The following ADAMTS5 variants were observed in gnomAD, a reference collection of about 807,000 sequenced individuals.
ADAMTS5 encodes ADAM metallopeptidase with thrombospondin type 1 motif 5.
In ADAMTS5, 54 loss-of-function variants were observed where a neutral mutation model predicts 81.4. That is an observed-to-expected ratio of 0.66 (90% CI 0.53 to 0.83). The LOEUF (loss-of-function observed/expected upper bound fraction) is 0.83. ADAMTS5 is among the 40% of genes least tolerant of loss of function. ADAMTS5 has a pLI of 0.00. For missense variants in ADAMTS5, 1,194 were observed against 1,229.9 expected, an observed-to-expected ratio of 0.97 and a Z score of 0.44; for synonymous variants, 532 against 508.8, an observed-to-expected ratio of 1.05 and a Z score of -0.61.
rs190327303 is a variant in ADAMTS5 at position 26,953,528 on chromosome 21, A to T, written c.1237+1211T>A. 3.3e-3 allele frequency among the ~76,000 whole-genome samples: 509 copies of T among 152,350 alleles called. 4 individuals are homozygous for T. Among genetic ancestry groups the T allele is most frequent in the South Asian group, 5.6e-3 (27 of 4,830 alleles). ...TTATTTAACTCCCCAAAGAAAACAT[A>T]GCAGTTAGAAATGGATGCTTTGTGA... On this transcript the variant is annotated intron_variant, in intron 2 of 7. Transcript: ENST00000284987.
rs546535037 is a variant in ADAMTS5, at chr21:26,939,170, G to A, written c.1405+4210C>T. ...GGCCCAGTGATATAAGAATGAACAA[G>A]AGCACTTCAAAAAACCAGACAATTG... On this transcript the variant is annotated intron_variant, in intron 3 of 7. Transcript: ENST00000284987. 1.7e-4 allele frequency among the ~76,000 whole-genome samples: 26 copies of A among 152,194 alleles called. No homozygotes were observed. The South Asian group carries it at 4.2e-3, about 24-fold the overall frequency.
chr21:26,960,067 G>T (rs1337458175), intron 1 of ADAMTS5, among the ~76,000 whole-genome samples: 1 of 152,106 alleles, frequency 6.6e-6, no homozygotes, highest in Non-Finnish European at 1.5e-5. Context: ...CATATCTCAT[G>T]AATATTTTGG....
At chr21:26,955,895 T>G (rs1466893085) in intron 1 of ADAMTS5, among the ~76,000 whole-genome samples, 1 of 152,186 alleles carries the variant, frequency 6.6e-6, no homozygotes, top group African/African-American at 2.4e-5. Context: ...GTTTTAAAAA[T>G]ATACTAATTA....
chr21:26,926,415 G>A (rs904133230), intron 7 of ADAMTS5, among the ~76,000 whole-genome samples: 1 of 152,226 alleles, frequency 6.6e-6, no homozygotes, highest in Admixed American at 6.5e-5. Flanking sequence ...GCTCACACCT[G>A]TAATCCCAGC....
At chr21:26,934,906 G>C (rs1568842226) in intron 3 of ADAMTS5, among the ~76,000 whole-genome samples, 157 bp from the exon 4 acceptor site, 1 of 152,164 alleles carries the variant, frequency 6.6e-6, no homozygotes, top group Non-Finnish European at 1.5e-5. Flanking sequence ...TGGGGACAAG[G>C]CTGGGAGCCC....
intron 4 of ADAMTS5, among the ~76,000 whole-genome samples, chr21:26,933,980 G>A (rs924108658): frequency 3.3e-5 from 5 of 152,090 alleles, no homozygotes; most frequent in Admixed American, 1.3e-4. Context: ...GTGTTTCCCC[G>A]GAGCAGTCGT....
rs1453472898 is a variant in ADAMTS5, at chr21:26,924,445, T to C, written c.2401A>G (p.Ile801Val). 7 of 1,614,232 alleles carry C rather than the reference T, an allele frequency of 4.3e-6. No individual in the cohort carries two copies. Among genetic ancestry groups the C allele is most frequent in the Non-Finnish European group, 5.9e-6 (7 of 1,180,028 alleles). The change falls in exon 8 of 8, where the codon ATC becomes GTC. Residue 801 changes from isoleucine (I) to valine (V), a missense_variant. Physicochemically the swap from Ile to Val is conservative, Grantham distance 29 (BLOSUM62 3). Coordinates refer to ENST00000284987, the MANE Select transcript of ADAMTS5 (RefSeq NM_007038.5). The stretch of plus-strand genomic sequence containing the variant: ...CTATAGTTCATGACTGTTCCATTGA[T>C]GTCAATGATAGTCTCTGAAGTGGAG... ...MISTSETIID[I>V]NGTVMNYSGW... is the part of the protein sequence containing the mutation.
chr21:26,937,575 C>T (rs1002575177), intron 3 of ADAMTS5, among the ~76,000 whole-genome samples: 1 of 152,062 alleles, frequency 6.6e-6, no homozygotes, highest in African/African-American at 2.4e-5. Flanking sequence ...TGCCAAGAAA[C>T]AGTAACAAAA....
chr21:26,931,040 C>A (rs940037443), intron 6 of ADAMTS5, among the ~76,000 whole-genome samples: 3 of 151,906 alleles, frequency 2.0e-5, no homozygotes, highest in Admixed American at 2.0e-4. Context: ...ATCTGAAGGC[C>A]AAGTTTCAGA....
rs560679241 is a variant in ADAMTS5, at chr21:26,918,535, G to A, written c.*5518C>T. 2 of 152,076 alleles carry A rather than the reference G, an allele frequency of 1.3e-5. No homozygotes were observed. Among genetic ancestry groups the A allele is most frequent in the South Asian group, 2.1e-4 (1 of 4,824 alleles). 9.4% of individuals were successfully genotyped at this position (152,076 alleles called of 1,614,324 possible). On this transcript the variant is annotated 3_prime_UTR_variant, in exon 8 of 8. Coordinates refer to ENST00000284987, the MANE Select transcript of ADAMTS5 (RefSeq NM_007038.5). ...TCTGACTAATAGGTCATACAAATAC[G>A]TAAGTAGTGTTTTTCAACTCGTAAT...
intron 3 of ADAMTS5, among the ~76,000 whole-genome samples, chr21:26,936,674 C>T (rs1014554471): frequency 6.6e-6 from 1 of 151,926 alleles, no homozygotes; most frequent in Non-Finnish European, 1.5e-5. Context: ...CTTCTTAAGG[C>T]AAGCCAGAAA....
At position 26,923,521 on chromosome 21, in the gene ADAMTS5, A is replaced by G. The variant is rs1276145754; in HGVS notation, c.*532T>C. 1 of 152,756 alleles carries G rather than the reference A, an allele frequency of 6.5e-6. No individual in the cohort carries two copies. The highest frequency in any genetic ancestry group is 1.9e-4 in the East Asian group (1 of 5,198). The allele number at this position is 152,756 out of a possible 1,614,324, so 9.5% of individuals were successfully genotyped here. A position where few individuals can be genotyped will look rare whatever the true frequency, so the allele number is the denominator to read the frequency against. On this transcript the variant is annotated 3_prime_UTR_variant, in exon 8 of 8. Coordinates refer to ENST00000284987, the MANE Select transcript of ADAMTS5 (RefSeq NM_007038.5). The stretch of plus-strand genomic sequence containing the variant: ...GCAGCAAGTTCTTAATTTCCAGTAA[A>G]ATATCCACAGCTCTTTCTGGAAACG...
At chr21:26,929,783 C>T in intron 7 of ADAMTS5, 103 bp downstream of exon 7, 4 of 1,204,226 alleles carry the variant, frequency 3.3e-6, no homozygotes, top group Non-Finnish European at 4.6e-6. Context: ...TAGACCTCCT[C>T]ATACAGATAG....
chr21:26,927,302 T>C (rs2123166944), intron 7 of ADAMTS5, among the ~76,000 whole-genome samples: 1 of 152,238 alleles, frequency 6.6e-6, no homozygotes, highest in Non-Finnish European at 1.5e-5. Flanking sequence ...TGTGGTGATA[T>C]CAATTGATAA....
In ADAMTS5 at chr21:26,940,463, C is replaced by T. The variant is rs568249175; in HGVS notation, c.1405+2917G>A. Among the ~76,000 whole-genome samples, 3 of 152,228 alleles carry T rather than the reference C, an allele frequency of 2.0e-5. No homozygotes were observed. The South Asian group carries it at 6.2e-4, about 32-fold the overall frequency. On this transcript the variant is annotated intron_variant, in intron 3 of 7. Transcript: ENST00000284987. ...GGCTTTTGACCTTTAGAAAATGGTA[C>T]CAGACCACTGTGCCTTTCATGTTTT...
In ADAMTS5 at chr21:26,919,236, T is replaced by A. The variant is rs1986641727; in HGVS notation, c.*4817A>T. ...GCCCTGTTTTTTATTTGTTTTTTTTTTTTTTCCTACAAATCACAGTTTTCC... is the reference window on the plus strand; with the variant it reads ...GCCCTGTTTTTTATTTGTTTTTTTTATTTTTCCTACAAATCACAGTTTTCC... On this transcript the variant is annotated 3_prime_UTR_variant, in exon 8 of 8. Transcript: ENST00000284987. 1.3e-5 allele frequency: 2 copies of A among 151,718 alleles called. No individual in the cohort carries two copies. The highest frequency in any genetic ancestry group is 4.8e-5 in the African/African-American group (2 of 41,368). 9.4% of individuals were successfully genotyped at this position (151,718 alleles called of 1,614,324 possible). A position where few individuals can be genotyped will look rare whatever the true frequency, so the allele number is the denominator to read the frequency against.
Position 26,965,563 on chromosome 21 carries a change from C to T in ADAMTS5, c.829G>A (p.Ala277Thr), listed in dbSNP as rs1383761274. ...CGGCCATACAACCGCGCCATGGACG[C>T]GTCAGCCACCAGAAGCAGCTCCACC... ...RQVELLLVAD[A>T]SMARLYGRGL... Residue 277 changes from alanine to threonine, a missense_variant, in exon 1 of 8, where the codon GCG becomes ACG. By Grantham distance (58) the Ala-to-Thr change is moderately conservative. This residue lies in a region of ADAMTS5 where 498 missense variants were observed against 412.3 expected (regional missense o/e 1.21). Transcript: ENST00000284987. The T allele has an allele frequency of 2.5e-6, 4 of 1,610,608 alleles. No individual in the cohort carries two copies. The highest frequency in any genetic ancestry group is 2.5e-6 in the Non-Finnish European group (3 of 1,177,994).
In ADAMTS5 at chr21:26,921,791, A is replaced by G. The variant is rs1986703429; in HGVS notation, c.*2262T>C. 6.6e-6 allele frequency: 1 copy of G among 152,528 alleles called. No homozygotes were observed. The allele number at this position is 152,528 out of a possible 1,614,324, so 9.4% of individuals were successfully genotyped here. A position where few individuals can be genotyped will look rare whatever the true frequency, so the allele number is the denominator to read the frequency against. ...TGAGCTCTCTAGGATTGTTTCCATG[A>G]CAGGTGTAAACCATCACTATTTGAG... On this transcript the variant is annotated 3_prime_UTR_variant, in exon 8 of 8. Coordinates refer to ENST00000284987, the MANE Select transcript of ADAMTS5 (RefSeq NM_007038.5).
intron 7 of ADAMTS5, among the ~76,000 whole-genome samples, chr21:26,925,736 A>G (rs1366881663): frequency 6.6e-6 from 1 of 152,172 alleles, no homozygotes; most frequent in Non-Finnish European, 1.5e-5. Flanking sequence ...TAAAAATCCA[A>G]GTGTGTTTCC....
Sources: allele counts gnomAD v4.1 joint callset (sites outside exome capture counted in the v4.1 genomes callset), GRCh38; gene constraint gnomAD v4.1.1; regional missense constraint gnomAD v4.1.1; transcripts MANE v1.5; gene names NCBI Gene and HGNC (gene_info 2026-07-23, HGNC 2026-07-21).